VWA8: variants seen among roughly 807,000 people sequenced by gnomAD.
VWA8 encodes von Willebrand factor A domain containing 8.
Under a neutral mutation model 241.5 loss-of-function variants are expected in VWA8, and 221 were observed. That is an observed-to-expected ratio of 0.91 (90% CI 0.82 to 1.02). The LOEUF (loss-of-function observed/expected upper bound fraction) is 1.02. Ranked by LOEUF, VWA8 falls within the 50% of genes least tolerant of loss-of-function variation. The pLI is 0.00. For synonymous variants in VWA8, 852 were observed against 827.1 expected, an observed-to-expected ratio of 1.03 and a Z score of -0.52; for missense variants, 2,322 against 2,328.7, an observed-to-expected ratio of 1.00 and a Z score of 0.06.
At chr13:41,599,359 ATGTCTTATTTCAC>A (rs2044507722) in intron 40 of VWA8, among the ~76,000 whole-genome samples, 1 of 152,044 alleles carries the variant, frequency 6.6e-6, no homozygotes, top group Non-Finnish European at 1.5e-5. Context: ...TTTTCAATTT[ATGTCTTATTTCAC>A]ATACTTCAAA....
At chr13:41,833,242 G>C (rs1386910715) in intron 13 of VWA8, 129 bp downstream of exon 13, 2 of 1,127,292 alleles carry the variant, frequency 1.8e-6, no homozygotes, top group African/African-American at 3.3e-5. Flanking sequence ...ACTTGGTATA[G>C]AATCATGATT....
intron 11 of VWA8, 34 bp downstream of exon 11, chr13:41,865,868 A>T: frequency 1.2e-6 from 2 of 1,614,178 alleles, no homozygotes; most frequent in Non-Finnish European, 1.7e-6. Context: ...AAAGCCAGGA[A>T]ACTAAAAGTC....
chr13:41,656,346 T>C (rs1248446018), intron 37 of VWA8, among the ~76,000 whole-genome samples: 1 of 152,186 alleles, frequency 6.6e-6, no homozygotes, highest in Non-Finnish European at 1.5e-5. Context: ...CAACGTGAAA[T>C]GTAGGCCCTT....
In VWA8 at chr13:41,721,561, A is replaced by C. The variant is rs199589463; in HGVS notation, c.2773T>G (p.Cys925Gly). ...FFGTLGDIFS[C>G]HAVDNPKPHS... ...GGTTTGGGGTTATCAACTGCATGGC[A>C]GCTAAAAATATCACCTAAAGGAGAG... Residue 925 changes from cysteine to glycine, a missense_variant, in exon 25 of 45, where the codon TGC becomes GGC. Transcript: ENST00000379310. 11 of 1,612,600 alleles carry C rather than the reference A, an allele frequency of 6.8e-6. No individual in the cohort carries two copies. In the Admixed American group the frequency reaches 1.7e-4, roughly 25 times the overall value.
At chr13:41,622,119 T>C (rs1179109715) in intron 37 of VWA8, among the ~76,000 whole-genome samples, 20 of 152,206 alleles carry the variant, frequency 1.3e-4, no homozygotes, top group Admixed American at 1.3e-3. Context: ...CACAGGAATA[T>C]AGTTCTTTAG....
At chr13:41,871,165 GAAC>G (rs754151551) in intron 9 of VWA8, among the ~76,000 whole-genome samples, 3 of 152,054 alleles carry the variant, frequency 2.0e-5, no homozygotes, top group Non-Finnish European at 4.4e-5. Flanking sequence ...CTGGTCAGAA[GAAC>G]AATAGACATA....
intron 12 of VWA8, 100 bp from the exon 13 acceptor site, chr13:41,833,631 C>T (rs1593803350): frequency 1.6e-6 from 2 of 1,277,442 alleles, no homozygotes; most frequent in Admixed American, 3.5e-5. Flanking sequence ...TCCGTCTGAA[C>T]TTAACATTCC....
At chr13:41,602,504 G>A (rs543656815) in intron 40 of VWA8, among the ~76,000 whole-genome samples, 1 of 152,214 alleles carries the variant, frequency 6.6e-6, no homozygotes, top group South Asian at 2.1e-4. Flanking sequence ...TTGACACAAT[G>A]TATGTTTCCT....
At chr13:41,684,906 T>C in intron 35 of VWA8, 141 bp downstream of exon 35, 1 of 727,036 alleles carries the variant, frequency 1.4e-6, no homozygotes, top group South Asian at 2.0e-5. Context: ...TACGGAGAGG[T>C]CTTTTTAGTT....
intron 37 of VWA8, among the ~76,000 whole-genome samples, chr13:41,650,326 T>C (rs776046745): frequency 2.0e-5 from 3 of 152,212 alleles, no homozygotes; most frequent in Non-Finnish European, 2.9e-5. Context: ...GGTTAAATGA[T>C]AGCCTAAGAT....
intron 40 of VWA8, among the ~76,000 whole-genome samples, chr13:41,599,951 G>A (rs943015569): frequency 1.3e-5 from 2 of 152,036 alleles, no homozygotes; most frequent in Admixed American, 1.3e-4. Flanking sequence ...GCTTTCAAAC[G>A]CTTTTGCATG....
At chr13:41,927,822 G>A (rs534564058) in intron 2 of VWA8, among the ~76,000 whole-genome samples, 4 of 152,138 alleles carry the variant, frequency 2.6e-5, no homozygotes, top group Non-Finnish European at 5.9e-5. Context: ...TTAAAAAAAG[G>A]GGGGAATTCA....
chr13:41,952,983 G>A (rs1878203545), intron 1 of VWA8, among the ~76,000 whole-genome samples: 1 of 152,118 alleles, frequency 6.6e-6, no homozygotes. Context: ...GTGTTAGGAA[G>A]CCTCCTTCTG....
chr13:41,737,814 T>C (rs1455043178), intron 21 of VWA8, among the ~76,000 whole-genome samples: 1 of 152,136 alleles, frequency 6.6e-6, no homozygotes, highest in East Asian at 1.9e-4. Context: ...CTATACATTT[T>C]TTTTCCCCAC....
Position 41,833,418 on chromosome 13 carries a change from C to T in VWA8, c.1539G>A (p.Leu513=), listed in dbSNP as rs1871563325. 1 of 1,613,772 alleles carries T rather than the reference C, an allele frequency of 6.2e-7. No individual in the cohort carries two copies. The highest frequency in any genetic ancestry group is 1.7e-5 in the Admixed American group (1 of 59,922). The change falls in exon 13 of 45, where the codon CTG becomes CTA. Residue 513 remains leucine (L), a synonymous_variant. Transcript: ENST00000379310. ...CCGCATTCACCCGGTGAATGCCATCCAGCAGGACCAGCTTGCCTTCCAGAG... is the reference window on the plus strand; with the variant it reads ...CCGCATTCACCCGGTGAATGCCATCTAGCAGGACCAGCTTGCCTTCCAGAG... ...NAALEGKLVL[L]DGIHRVNAGT...
intron 2 of VWA8, among the ~76,000 whole-genome samples, chr13:41,915,828 A>G (rs550448834): frequency 1.2e-3 from 185 of 152,316 alleles, no homozygotes; most frequent in African/African-American, 3.7e-3. Flanking sequence ...AGTCTATGGC[A>G]TACCTTCACA....
At chr13:41,569,446 G>T (rs991320919) in intron 44 of VWA8, among the ~76,000 whole-genome samples, 2 of 152,170 alleles carry the variant, frequency 1.3e-5, no homozygotes, top group African/African-American at 4.8e-5. Context: ...AGAATGAAAA[G>T]TCATGTCATA....
At chr13:41,706,921 T>C (rs1050809030) in intron 26 of VWA8, among the ~76,000 whole-genome samples, 3 of 152,244 alleles carry the variant, frequency 2.0e-5, no homozygotes, top group Non-Finnish European at 4.4e-5. Flanking sequence ...TTAAGGCCCA[T>C]AAATAGCACT....
intron 21 of VWA8, among the ~76,000 whole-genome samples, chr13:41,750,625 C>T (rs1183418717): frequency 6.6e-6 from 1 of 152,072 alleles, no homozygotes; most frequent in Non-Finnish European, 1.5e-5. Context: ...TATAAGAGCT[C>T]ACTGCAGATA....
Sources: gnomAD v4.1 joint callset for allele counts (sites outside exome capture counted in the v4.1 genomes callset) on GRCh38, gnomAD v4.1.1 for gene constraint, MANE v1.5 for transcripts, NCBI Gene and HGNC (gene_info 2026-07-23, HGNC 2026-07-21) for gene names.